The following FARS2 variants were observed in gnomAD, a reference collection of about 807,000 sequenced individuals.
FARS2 encodes phenylalanyl-tRNA synthetase 2, mitochondrial.
Under a neutral mutation model 46.4 loss-of-function variants are expected in FARS2, and 40 were observed. The ratio of observed to expected loss-of-function variants is 0.86; its 90% CI spans 0.67 to 1.12. FARS2 has a LOEUF of 1.12. Ranked by LOEUF, FARS2 falls within the 50% of genes most tolerant of loss-of-function variation. The pLI is 0.00. For synonymous variants in FARS2, 234 were observed against 214.9 expected (o/e 1.09, Z -0.78); for missense variants, 513 against 567.9 (o/e 0.90, Z 0.98).
At chr6:5,544,129 A>G (rs1032874752) in intron 4 of FARS2, among the ~76,000 whole-genome samples, 1 of 151,718 alleles carries the variant, frequency 6.6e-6, no homozygotes, top group African/African-American at 2.4e-5. Context: ...TGAAGTTCCC[A>G]TTTTCTCCCT....
chr6:5,254,866 ATG>A, the FARS2 span, among the ~76,000 whole-genome samples: 1 of 152,010 alleles, frequency 6.6e-6, no homozygotes, highest in Non-Finnish European at 1.5e-5. Flanking sequence ...ATCTACTCTC[ATG>A]TTTTATTAAC....
Position 5,522,070 on chromosome 6 carries a change from C to T in FARS2, c.905-23110C>T, listed in dbSNP as rs528474497. Among the ~76,000 whole-genome samples, 13 of 152,282 alleles carry T rather than the reference C, an allele frequency of 8.5e-5. No homozygotes were observed. In the South Asian group the frequency reaches 2.3e-3, roughly 27 times the overall value. On this transcript the variant is annotated intron_variant, in intron 4 of 6. Transcript: ENST00000274680. ...GATTAATAGTCAGGATAGTCTAGGC[C>T]GCTTCTGTGCTAACAGATAAACCCC...
intron 1 of FARS2, among the ~76,000 whole-genome samples, chr6:5,292,981 C>T (rs551338176): frequency 9.9e-5 from 15 of 152,280 alleles, no homozygotes; most frequent in Non-Finnish European, 1.8e-4. Flanking sequence ...GAGGGTGCAA[C>T]CAATGTGCAA....
intron 5 of FARS2, among the ~76,000 whole-genome samples, chr6:5,588,616 C>A (rs541508337): frequency 1.9e-4 from 29 of 152,304 alleles, no homozygotes; most frequent in Non-Finnish European, 7.3e-5. Flanking sequence ...AGAAAGAAAA[C>A]CCATGTCTTC....
At chr6:5,349,951 A>G (rs1008625055) in intron 1 of FARS2, among the ~76,000 whole-genome samples, 1 of 150,670 alleles carries the variant, frequency 6.6e-6, no homozygotes, top group African/African-American at 2.5e-5. Flanking sequence ...TCATGGGTCC[A>G]TTACTATCAA....
At chr6:5,260,598 T>TGCCCCGGCCCCGGGCCCCCCGCC, upstream of FARS2, 1 of 1,105,570 alleles carries the variant, frequency 9.0e-7, no homozygotes, top group Non-Finnish European at 1.3e-6. Flanking sequence ...GCACCCCCGG[T>TGCCCCGGCCCCGGGCCCCCCGCC]CCCCGGCCCC....
At chr6:5,475,100 C>T (rs924460677) in intron 4 of FARS2, among the ~76,000 whole-genome samples, 1 of 152,164 alleles carries the variant, frequency 6.6e-6, no homozygotes, top group Admixed American at 6.5e-5. Context: ...AAGAGGAAAA[C>T]TAAATGAAAG....
chr6:5,763,881 G>C (rs1199698357), intron 6 of FARS2, among the ~76,000 whole-genome samples: 5 of 149,656 alleles, frequency 3.3e-5, no homozygotes, highest in African/African-American at 9.9e-5. Context: ...TCACTTCACT[G>C]TTGCAGCCAA....
At chr6:5,763,087 G>A (rs902618846) in intron 6 of FARS2, among the ~76,000 whole-genome samples, 2 of 152,196 alleles carry the variant, frequency 1.3e-5, no homozygotes, top group Non-Finnish European at 2.9e-5. Flanking sequence ...TCATCTGCAC[G>A]ATGGCTTTCT....
intron 1 of FARS2, among the ~76,000 whole-genome samples, chr6:5,324,932 A>T (rs911554936): frequency 3.3e-5 from 5 of 151,962 alleles, no homozygotes; most frequent in African/African-American, 1.2e-4. Flanking sequence ...GAGACATGCC[A>T]TCCCTGCCGC....
chr6:5,625,508 G>A (rs1158965416), intron 6 of FARS2, among the ~76,000 whole-genome samples: 2 of 152,220 alleles, frequency 1.3e-5, no homozygotes, highest in Non-Finnish European at 2.9e-5. Flanking sequence ...TCAGCCCCGG[G>A]GGGAGGGACT....
chr6:5,379,526 G>C (rs750926511), intron 2 of FARS2, among the ~76,000 whole-genome samples: 3 of 152,218 alleles, frequency 2.0e-5, no homozygotes, highest in Non-Finnish European at 4.4e-5. Flanking sequence ...CGGGGACCCA[G>C]AGAAGAGCCC....
intron 4 of FARS2, among the ~76,000 whole-genome samples, chr6:5,479,694 C>T (rs1244568079): frequency 1.3e-5 from 2 of 152,186 alleles, no homozygotes; most frequent in Non-Finnish European, 2.9e-5. Flanking sequence ...TGACCCAGTT[C>T]AGGCGGTATC....
intron 3 of FARS2, among the ~76,000 whole-genome samples, chr6:5,425,219 G>GA (rs1762779035): frequency 1.3e-5 from 2 of 151,476 alleles, no homozygotes; most frequent in South Asian, 4.2e-4. Context: ...GTTTGGTGTA[G>GA]AAAATCACTG....
intron 1 of FARS2, among the ~76,000 whole-genome samples, chr6:5,265,878 C>CA (rs1329854127): frequency 6.6e-6 from 1 of 152,168 alleles, no homozygotes; most frequent in Non-Finnish European, 1.5e-5. Flanking sequence ...GCTTGGGCCA[C>CA]ACCTCAGACC....
intron 4 of FARS2, among the ~76,000 whole-genome samples, chr6:5,448,759 T>A (rs1006700241): frequency 6.6e-6 from 1 of 152,240 alleles, no homozygotes; most frequent in South Asian, 2.1e-4. Flanking sequence ...ATAATTCTTA[T>A]AGACATCATG....
intron 4 of FARS2, among the ~76,000 whole-genome samples, chr6:5,474,700 G>GC (rs1304396261): frequency 2.4e-5 from 3 of 127,522 alleles, no homozygotes; most frequent in African/African-American, 2.9e-5. Context: ...TCACTCTGTC[G>GC]CCCCGGCTGG....
intron 3 of FARS2, among the ~76,000 whole-genome samples, chr6:5,424,300 A>G (rs1240218098): frequency 6.6e-6 from 1 of 152,234 alleles, no homozygotes; most frequent in East Asian, 1.9e-4. Context: ...GGCAATATTT[A>G]TTAAAATCAT....
intron 6 of FARS2, among the ~76,000 whole-genome samples, chr6:5,708,397 T>C (rs1176406135): frequency 6.6e-6 from 1 of 152,088 alleles, no homozygotes; most frequent in Non-Finnish European, 1.5e-5. Flanking sequence ...ACTCAGGAAG[T>C]CCTACATGAT....
Sources: gnomAD v4.1 joint callset for allele counts (sites outside exome capture counted in the v4.1 genomes callset) on GRCh38, gnomAD v4.1.1 for gene constraint, MANE v1.5 for transcripts, NCBI Gene and HGNC (gene_info 2026-07-23, HGNC 2026-07-21) for gene names.